The following PGM5 variants were observed in gnomAD, a reference collection of about 807,000 sequenced individuals.
PGM5 encodes the protein phosphoglucomutase-like protein 5.
A neutral mutation model predicts 59.2 loss-of-function variants in PGM5; 23 were observed. The observed-to-expected ratio is 0.39, with a 90% CI of 0.28 to 0.55. PGM5 has a LOEUF of 0.55. Ranked by LOEUF, PGM5 falls within the 20% of genes least tolerant of loss-of-function variation. PGM5 has a pLI of 0.66. For missense variants in PGM5, 574 were observed against 748.3 expected, an observed-to-expected ratio of 0.77 and a Z score of 2.72; for synonymous variants, 214 against 286.0, an observed-to-expected ratio of 0.75 and a Z score of 2.54.
intron 6 of PGM5, among the ~76,000 whole-genome samples, chr9:68,431,006 G>C (rs1554682978): frequency 6.6e-6 from 1 of 152,102 alleles, no homozygotes; most frequent in East Asian, 1.9e-4. Context: ...TTTTCCTCTA[G>C]AATATATTAT....
chr9:68,497,371 A>T (rs186082585), intron 9 of PGM5: 22 of 152,240 alleles, frequency 1.4e-4, no homozygotes, highest in African/African-American at 5.1e-4. Context: ...TCCTGTCTGC[A>T]AAGCCAGTAT....
intron 7 of PGM5, among the ~76,000 whole-genome samples, chr9:68,472,945 G>A (rs1050870828): frequency 6.6e-6 from 1 of 152,144 alleles, no homozygotes; most frequent in African/African-American, 2.4e-5. Context: ...GGAGAGCTTT[G>A]TTCTCTAATT....
chr9:68,407,948 C>T (rs1327442274), intron 6 of PGM5, among the ~76,000 whole-genome samples: 1 of 152,208 alleles, frequency 6.6e-6, no homozygotes, highest in Non-Finnish European at 1.5e-5. Context: ...ATTAACATCT[C>T]AACCCCAATT....
At chr9:68,518,480 C>G (rs1048612003) in intron 10 of PGM5, among the ~76,000 whole-genome samples, 4 of 152,130 alleles carry the variant, frequency 2.6e-5, no homozygotes, top group African/African-American at 9.7e-5. Flanking sequence ...TCAATACACA[C>G]TGTAAAATAG....
At chr9:68,383,471 C>A (rs1554678539) in intron 2 of PGM5, among the ~76,000 whole-genome samples, 1 of 151,906 alleles carries the variant, frequency 6.6e-6, no homozygotes, top group Admixed American at 6.6e-5. Context: ...ACTTGACTAG[C>A]CACATTTTAA....
rs569870051 is a variant in PGM5, at chr9:68,416,172, G to C, written c.1043+23699G>C. 6.6e-5 allele frequency among the ~76,000 whole-genome samples: 10 copies of C among 152,268 alleles called. No homozygotes were observed. In the South Asian group the frequency reaches 2.1e-3, roughly 32 times the overall value. On this transcript the variant is annotated intron_variant, in intron 6 of 10. Coordinates refer to ENST00000396396, the MANE Select transcript of PGM5 (RefSeq NM_021965.4). ...ATTATTGGTTAGCCAGTGATTTCCT[G>C]TCATCCACAAAAAAAGATGAAATAG...
chr9:68,421,429 T>G (rs548715644), intron 6 of PGM5, among the ~76,000 whole-genome samples: 5 of 152,224 alleles, frequency 3.3e-5, no homozygotes, highest in Admixed American at 3.3e-4. Context: ...TTGAAATACT[T>G]AGAGCTGGCC....
chr9:68,462,185 C>T (rs1482034728), intron 6 of PGM5, among the ~76,000 whole-genome samples: 1 of 152,036 alleles, frequency 6.6e-6, no homozygotes, highest in Admixed American at 6.6e-5. Context: ...ACACTCTGGC[C>T]TTTCCTAGGA....
At chr9:68,376,819 TTCTTTCTTTCTTTC>T (rs1281678037) in intron 1 of PGM5, among the ~76,000 whole-genome samples, 72 of 90,724 alleles carry the variant, frequency 7.9e-4, no homozygotes, top group African/African-American at 2.5e-3. Context: ...CTTTCTTTCT[TTCTTTCTTTCTTTC>T]TCTTTCTTTC....
In PGM5 at chr9:68,406,678, GTA is replaced by G. The variant is rs782034091; in HGVS notation, c.1043+14251_1043+14252del. On this transcript the variant is annotated intron_variant, in intron 6 of 10. Transcript: ENST00000396396. ...AAATTAGGTATATATATATATATAT[GTA>G]TATATATATATATATATATATATAT... Among the ~76,000 whole-genome samples, 28 of 23,608 alleles carry G rather than the reference GTA, an allele frequency of 1.2e-3. 1 individual carries two copies. Among genetic ancestry groups the G allele is most frequent in the African/African-American group, 4.9e-3 (28 of 5,682 alleles). 15.5% of individuals were successfully genotyped at this position (23,608 alleles called of 152,430 possible).
At chr9:68,490,968 T>A (rs1824380493) in intron 9 of PGM5, among the ~76,000 whole-genome samples, 1 of 152,214 alleles carries the variant, frequency 6.6e-6, no homozygotes, top group Admixed American at 6.5e-5. Context: ...CTTTGAAAAT[T>A]GTGATGTTGA....
intron 6 of PGM5, among the ~76,000 whole-genome samples, chr9:68,431,079 CA>C: frequency 6.6e-6 from 1 of 152,278 alleles, no homozygotes; most frequent in South Asian, 2.1e-4. Flanking sequence ...TTCAAAGAAA[CA>C]ACCAAAAGCA....
In PGM5 at chr9:68,444,146, G is replaced by A. The variant is rs370553938; in HGVS notation, c.1044-20947G>A. On this transcript the variant is annotated intron_variant, in intron 6 of 10. Coordinates refer to ENST00000396396, the MANE Select transcript of PGM5 (RefSeq NM_021965.4). Reference sequence around the variant, plus strand: ...TTGCACAGATAGCCTTTTAGTTCAAGGATGGGGTGTTTTGGGATCAAAGAC... The same window carrying A: ...TTGCACAGATAGCCTTTTAGTTCAAAGATGGGGTGTTTTGGGATCAAAGAC... 3.0e-4 allele frequency among the ~76,000 whole-genome samples: 45 copies of A among 151,334 alleles called. 1 individual carries two copies. The South Asian group carries it at 7.7e-3, about 26-fold the overall frequency.
intron 10 of PGM5, 60 bp downstream of exon 10, chr9:68,499,421 C>A (rs782062363): frequency 2.9e-5 from 45 of 1,547,282 alleles, no homozygotes; most frequent in Non-Finnish European, 3.8e-5. Flanking sequence ...ATTTAGAGAG[C>A]TCCATGGGCC....
intron 6 of PGM5, among the ~76,000 whole-genome samples, chr9:68,422,549 C>T (rs1183930756): frequency 1.3e-5 from 2 of 152,000 alleles, no homozygotes; most frequent in South Asian, 2.1e-4. Flanking sequence ...GCCTCAGCCT[C>T]CCAAAATTCT....
At chr9:68,440,173 C>T (rs529230785) in intron 6 of PGM5, among the ~76,000 whole-genome samples, 1 of 152,138 alleles carries the variant, frequency 6.6e-6, no homozygotes, top group Non-Finnish European at 1.5e-5. Context: ...CAGACAGAAA[C>T]AGATAGATCT....
intron 9 of PGM5, among the ~76,000 whole-genome samples, chr9:68,492,731 T>C (rs1189578647): frequency 6.6e-6 from 1 of 152,172 alleles, no homozygotes; most frequent in Non-Finnish European, 1.5e-5. Context: ...TCAACCACTT[T>C]TGGACTCATG....
intron 6 of PGM5, among the ~76,000 whole-genome samples, chr9:68,446,651 T>TTATTC (rs1823616384): frequency 1.3e-5 from 2 of 152,226 alleles, no homozygotes; most frequent in Admixed American, 1.3e-4. Context: ...CTACAGGTTT[T>TTATTC]TATTCTTGCT....
chr9:68,487,497 C>CACACACAA (rs1373187521), intron 9 of PGM5, among the ~76,000 whole-genome samples: 4 of 148,562 alleles, frequency 2.7e-5, no homozygotes, highest in Admixed American at 6.7e-5. Flanking sequence ...CACACACACA[C>CACACACAA]AAATCAGGTG....
Sources: allele counts gnomAD v4.1 joint callset (sites outside exome capture counted in the v4.1 genomes callset), GRCh38; gene constraint gnomAD v4.1.1; transcripts MANE v1.5; gene names NCBI Gene and HGNC (gene_info 2026-07-23, HGNC 2026-07-21).